DMRT1: variants seen among roughly 807,000 people sequenced by gnomAD.
The protein encoded by DMRT1 is doublesex and mab-3 related transcription factor 1, also known as doublesex- and mab-3-related transcription factor 1.
A neutral mutation model predicts 32.3 loss-of-function variants in DMRT1; 7 were observed. The ratio of observed to expected loss-of-function variants is 0.22; its 90% CI spans 0.12 to 0.41. The LOEUF (loss-of-function observed/expected upper bound fraction) is 0.41. Among genes scored for constraint, DMRT1 ranks in the 10% least tolerant of loss-of-function variants. The pLI is 1.00. For missense variants in DMRT1, 625 were observed against 500.5 expected (o/e 1.25, Z -2.37); for synonymous variants, 278 against 206.1 (o/e 1.35, Z -2.99).
intron 2 of DMRT1, among the ~76,000 whole-genome samples, chr9:868,734 G>A (rs1158296789): frequency 6.6e-6 from 1 of 152,238 alleles, no homozygotes; most frequent in East Asian, 1.9e-4. Flanking sequence ...CATCGGCTGG[G>A]CACGTTGGCT....
intron 4 of DMRT1, among the ~76,000 whole-genome samples, chr9:942,827 CT>C (rs1373883780): frequency 3.3e-5 from 5 of 151,904 alleles, no homozygotes; most frequent in East Asian, 1.9e-4. Context: ...GACTTTTGAA[CT>C]TCTTTATTTA....
intron 2 of DMRT1, among the ~76,000 whole-genome samples, chr9:857,527 C>T (rs1484249282): frequency 6.6e-5 from 10 of 152,026 alleles, no homozygotes; most frequent in Admixed American, 6.6e-4. Flanking sequence ...GCTAAAGTAA[C>T]ATTTTGGACT....
intron 3 of DMRT1, among the ~76,000 whole-genome samples, chr9:904,070 T>C (rs1255340212): frequency 6.6e-6 from 1 of 152,200 alleles, no homozygotes; most frequent in Non-Finnish European, 1.5e-5. Flanking sequence ...CAGAAGCATA[T>C]TATTAGTCTT....
intron 2 of DMRT1, among the ~76,000 whole-genome samples, chr9:893,417 C>T (rs568890439): frequency 3.3e-5 from 5 of 152,336 alleles, no homozygotes; most frequent in African/African-American, 2.4e-5. Flanking sequence ...GCCCCTGGTC[C>T]GCACCTTTGG....
intron 2 of DMRT1, among the ~76,000 whole-genome samples, chr9:854,553 A>T (rs1409629252): frequency 6.6e-6 from 1 of 152,202 alleles, no homozygotes; most frequent in East Asian, 1.9e-4. Context: ...TTATTCAAAT[A>T]AGCAATAAAA....
At position 894,021 on chromosome 9, in the gene DMRT1, G is replaced by C. The variant is rs79140159; in HGVS notation, c.648G>C (p.Pro216=). 6.2e-7 allele frequency: 1 copy of C among 1,614,210 alleles called. No individual in the cohort carries two copies. Among genetic ancestry groups the C allele is most frequent in the Non-Finnish European group, 8.5e-7 (1 of 1,180,034 alleles). The change falls in exon 3 of 5, where the codon CCG becomes CCC. Residue 216 remains proline (P), a synonymous_variant. Transcript: ENST00000382276. The part of the protein sequence containing the change: ...DSTYYSSFYQ[P]SLFPYYNNLY... Reference sequence around the variant, plus strand: ...CCTACTACAGCAGCTTCTACCAGCCGTCTCTGTTTCCTTATTACAACAATC... The same window carrying C: ...CCTACTACAGCAGCTTCTACCAGCCCTCTCTGTTTCCTTATTACAACAATC...
intron 4 of DMRT1, among the ~76,000 whole-genome samples, chr9:931,334 A>G (rs1818718244): frequency 6.6e-6 from 1 of 152,220 alleles, no homozygotes; most frequent in African/African-American, 2.4e-5. Context: ...GTCTCATTTT[A>G]TTAAGTCTCC....
At chr9:918,638 G>C (rs1818258967) in intron 4 of DMRT1, among the ~76,000 whole-genome samples, 1 of 152,148 alleles carries the variant, frequency 6.6e-6, no homozygotes, top group Non-Finnish European at 1.5e-5. Flanking sequence ...AGTAGTGTGT[G>C]AGGAGGCCCC....
intron 3 of DMRT1, among the ~76,000 whole-genome samples, chr9:906,170 C>T (rs754842835): frequency 6.6e-6 from 1 of 152,146 alleles, no homozygotes; most frequent in African/African-American, 2.4e-5. Context: ...TTAGAGTGGG[C>T]AGGGCTTTTT....
rs868282739 is a variant in DMRT1, at chr9:868,644, C to T, written c.538+21501C>T. On this transcript the variant is annotated intron_variant, in intron 2 of 4. Transcript: ENST00000382276. ...AACCTTACAAGGTTATCGTAGGTAG[C>T]GTTTGAAAGAATATACATAAAATGT... Among the ~76,000 whole-genome samples, 154 of 152,216 alleles carry T rather than the reference C, an allele frequency of 1.0e-3. 1 individual carries two copies. Among genetic ancestry groups the T allele is most frequent in the African/African-American group, 3.4e-3 (142 of 41,518 alleles).
chr9:904,169 A>C (rs1469091018), intron 3 of DMRT1, among the ~76,000 whole-genome samples: 2 of 152,230 alleles, frequency 1.3e-5, no homozygotes, highest in Non-Finnish European at 2.9e-5. Context: ...ATTGGCTTGA[A>C]ATTTAGATAA....
intron 2 of DMRT1, among the ~76,000 whole-genome samples, chr9:878,205 C>A (rs1014366125): frequency 1.8e-5 from 2 of 114,220 alleles, no homozygotes; most frequent in African/African-American, 6.7e-5. Context: ...CTGCTGCCCC[C>A]CCCCCACCCA....
At position 954,601 on chromosome 9, in the gene DMRT1, G is replaced by GT. The variant is rs995070621; in HGVS notation, c.968-13376dup. Among the ~76,000 whole-genome samples, 8 of 149,820 alleles carry GT rather than the reference G, an allele frequency of 5.3e-5. No individual in the cohort carries two copies. The East Asian group carries it at 8.0e-4, about 15-fold the overall frequency. On this transcript the variant is annotated intron_variant, in intron 4 of 4. Coordinates refer to ENST00000382276, the MANE Select transcript of DMRT1 (RefSeq NM_021951.3). ...GGAGGAGGAGAAGTTGGTAGGTTCAGTTTTTTTTGTTTGTTTTTTTGTTGT... is the reference window on the plus strand; with the variant it reads ...GGAGGAGGAGAAGTTGGTAGGTTCAGTTTTTTTTTGTTTGTTTTTTTGTTGT...
chr9:911,531 C>T (rs1366760520), intron 3 of DMRT1, among the ~76,000 whole-genome samples: 32 of 129,172 alleles, frequency 2.5e-4, no homozygotes, highest in African/African-American at 8.4e-4. Flanking sequence ...CGCACTCTGT[C>T]GCCCAGGCTG....
chr9:857,930 T>TC (rs1815473812), intron 2 of DMRT1, among the ~76,000 whole-genome samples: 1 of 151,760 alleles, frequency 6.6e-6, no homozygotes, highest in African/African-American at 2.4e-5. Flanking sequence ...TCCAGTTTCA[T>TC]CCATGTCCCT....
chr9:888,181 T>C (rs1817004508), intron 2 of DMRT1, among the ~76,000 whole-genome samples: 1 of 152,222 alleles, frequency 6.6e-6, no homozygotes. Flanking sequence ...ATGAAGAAAG[T>C]CTGGATGTAA....
chr9:914,258 C>G (rs1336889638), intron 3 of DMRT1, among the ~76,000 whole-genome samples: 1 of 152,030 alleles, frequency 6.6e-6, no homozygotes, highest in Non-Finnish European at 1.5e-5. Context: ...CCGAGTATAG[C>G]TTCTTTAACC....
chr9:852,326 T>G (rs1170169498), intron 2 of DMRT1, among the ~76,000 whole-genome samples: 2 of 151,184 alleles, frequency 1.3e-5, no homozygotes, highest in Non-Finnish European at 2.9e-5. Flanking sequence ...TGACTCTACA[T>G]GACAAATAAT....
At chr9:946,830 C>T (rs906840764) in intron 4 of DMRT1, among the ~76,000 whole-genome samples, 1 of 152,144 alleles carries the variant, frequency 6.6e-6, no homozygotes, top group African/African-American at 2.4e-5. Flanking sequence ...CCTTTCTGTG[C>T]TAATGGGTGT....
Sources: allele counts gnomAD v4.1 joint callset (sites outside exome capture counted in the v4.1 genomes callset), GRCh38; gene constraint gnomAD v4.1.1; transcripts MANE v1.5; gene names NCBI Gene and HGNC (gene_info 2026-07-23, HGNC 2026-07-21).